The following CTNNA2 variants were observed in gnomAD, a reference collection of about 807,000 sequenced individuals.
The protein encoded by CTNNA2 is catenin alpha-2.
A neutral mutation model predicts 101.0 loss-of-function variants in CTNNA2; 42 were observed. The observed-to-expected ratio is 0.42, with a 90% CI of 0.32 to 0.54. CTNNA2 has a LOEUF of 0.54. CTNNA2 is among the 20% of genes least tolerant of loss of function. CTNNA2 has a pLI of 0.14. For missense variants in CTNNA2, 871 were observed against 1,223.1 expected (o/e 0.71, Z 4.29); for synonymous variants, 450 against 456.4 (o/e 0.99, Z 0.18).
At chr2:79,962,056 A>C (rs895684416) in intron 7 of CTNNA2, among the ~76,000 whole-genome samples, 1 of 152,250 alleles carries the variant, frequency 6.6e-6, no homozygotes, top group African/African-American at 2.4e-5. Flanking sequence ...TGTTACTGCC[A>C]TGACGAGGCA....
intron 4 of CTNNA2, among the ~76,000 whole-genome samples, chr2:79,494,990 C>G (rs1337602365): frequency 1.3e-5 from 2 of 152,052 alleles, no homozygotes; most frequent in South Asian, 4.1e-4. Context: ...GTAGTCCCAG[C>G]TACTTAGGAG....
At chr2:80,026,320 A>C (rs1694921663) in intron 7 of CTNNA2, among the ~76,000 whole-genome samples, 1 of 152,212 alleles carries the variant, frequency 6.6e-6, no homozygotes, top group Admixed American at 6.5e-5. Flanking sequence ...GAAATGAATA[A>C]CAAGCATTCA....
chr2:79,982,323 T>TAA (rs2103837971), intron 7 of CTNNA2, among the ~76,000 whole-genome samples: 1 of 138,466 alleles, frequency 7.2e-6, no homozygotes, highest in South Asian at 2.2e-4. Context: ...ATAACATATA[T>TAA]AACACACATA....
In CTNNA2 at chr2:79,717,705, A is replaced by G. The variant is rs150619256; in HGVS notation, c.103-26682A>G. Among the ~76,000 whole-genome samples the G allele has an allele frequency of 1.7e-3, 256 of 152,310 alleles. 1 individual carries two copies. Among genetic ancestry groups the G allele is most frequent in the African/African-American group, 6.0e-3 (250 of 41,566 alleles). ...TGTAAATGTGGTCAAAATATAACAG[A>G]AAGTGAGGGGCAGAAAAACAGTTGA... On this transcript the variant is annotated intron_variant, in intron 2 of 18. Transcript: ENST00000402739.
At position 79,667,969 on chromosome 2, in the gene CTNNA2, G is replaced by A. The variant is rs188096988; in HGVS notation, c.102+16311G>A. On this transcript the variant is annotated intron_variant, in intron 2 of 18. Coordinates refer to ENST00000402739, the MANE Select transcript of CTNNA2 (RefSeq NM_001282597.3). ...CTAGTAAAAACTTGAGGCCGGGCGC[G>A]GTGGCTCACGCCTGTAATCCCAGCA... 6.2e-4 allele frequency among the ~76,000 whole-genome samples: 93 copies of A among 151,160 alleles called. 1 individual carries two copies. Among genetic ancestry groups the A allele is most frequent in the Admixed American group, 5.0e-3 (76 of 15,274 alleles).
At chr2:79,653,883 G>A (rs747285592) in intron 2 of CTNNA2, among the ~76,000 whole-genome samples, 27 of 152,070 alleles carry the variant, frequency 1.8e-4, no homozygotes, top group African/African-American at 5.1e-4. Context: ...GTAGGAATCC[G>A]TCCAGCTGAG....
At chr2:79,930,302 AAGAAAG>A (rs1687328623) in intron 7 of CTNNA2, among the ~76,000 whole-genome samples, 2 of 31,472 alleles carry the variant, frequency 6.4e-5, no homozygotes, top group African/African-American at 3.1e-4. Context: ...AAGAGAAAGA[AAGAAAG>A]AAAGAAAGAA....
chr2:79,517,291 C>T (rs751460983), intron 1 of CTNNA2, among the ~76,000 whole-genome samples: 1 of 152,146 alleles, frequency 6.6e-6, no homozygotes, highest in Non-Finnish European at 1.5e-5. Flanking sequence ...ATTTTACCCA[C>T]AAGTTTGAAG....
At chr2:80,502,687 G>T (rs575488564) in intron 9 of CTNNA2, among the ~76,000 whole-genome samples, 1 of 152,162 alleles carries the variant, frequency 6.6e-6, no homozygotes, top group Non-Finnish European at 1.5e-5. Flanking sequence ...CAGGATCCAG[G>T]CTACCCTCTG....
chr2:79,571,037 A>T (rs1406381921), intron 1 of CTNNA2, among the ~76,000 whole-genome samples: 1 of 152,178 alleles, frequency 6.6e-6, no homozygotes, highest in Non-Finnish European at 1.5e-5. Flanking sequence ...TAACAACCCA[A>T]TTTGTTTTCT....
At chr2:79,762,176 G>C (rs1672831329) in intron 3 of CTNNA2, among the ~76,000 whole-genome samples, 1 of 152,072 alleles carries the variant, frequency 6.6e-6, no homozygotes, top group African/African-American at 2.4e-5. Context: ...ATATATTTTT[G>C]TCTTGTATTT....
chr2:79,212,918 A>G (rs1433377286), intron 2 of CTNNA2, among the ~76,000 whole-genome samples: 1 of 152,178 alleles, frequency 6.6e-6, no homozygotes, highest in Non-Finnish European at 1.5e-5. Flanking sequence ...CTGAGAAGTG[A>G]TTTCCTTGAG....
chr2:79,625,778 G>A (rs1679265718), intron 1 of CTNNA2, among the ~76,000 whole-genome samples: 1 of 152,170 alleles, frequency 6.6e-6, no homozygotes, highest in Non-Finnish European at 1.5e-5. Context: ...CTTTGCCTTT[G>A]GTCCCAAGGT....
At chr2:80,328,527 T>C (rs1573732639) in intron 7 of CTNNA2, among the ~76,000 whole-genome samples, 1 of 152,300 alleles carries the variant, frequency 6.6e-6, no homozygotes, top group Non-Finnish European at 1.5e-5. Flanking sequence ...CTGGAGTGGG[T>C]CAGCCCTGAT....
At chr2:79,375,740 T>G (rs1677963829) in intron 4 of CTNNA2, among the ~76,000 whole-genome samples, 1 of 152,180 alleles carries the variant, frequency 6.6e-6, no homozygotes, top group African/African-American at 2.4e-5. Flanking sequence ...AGCTTCTAAT[T>G]TTTTAAAATT....
chr2:79,577,951 G>C (rs1558744168), intron 1 of CTNNA2, among the ~76,000 whole-genome samples: 1 of 152,138 alleles, frequency 6.6e-6, no homozygotes. Context: ...TAACTGAAAA[G>C]TATTCAAACA....
At chr2:79,721,081 T>C (rs2104863021) in intron 2 of CTNNA2, among the ~76,000 whole-genome samples, 1 of 151,954 alleles carries the variant, frequency 6.6e-6, no homozygotes, top group Non-Finnish European at 1.5e-5. Context: ...AATCACATCA[T>C]GCTTCTTGTT....
At chr2:79,807,425 C>A (rs1016061179) in intron 3 of CTNNA2, among the ~76,000 whole-genome samples, 1 of 151,752 alleles carries the variant, frequency 6.6e-6, no homozygotes, top group Non-Finnish European at 1.5e-5. Context: ...TTCATTTTTT[C>A]ATATTAAAAA....
intron 2 of CTNNA2, among the ~76,000 whole-genome samples, chr2:79,742,312 G>C (rs996454031): frequency 4.6e-5 from 7 of 151,862 alleles, no homozygotes; most frequent in African/African-American, 1.7e-4. Flanking sequence ...AAAATTAATA[G>C]CTCCTCTCCA....
Sources: gnomAD v4.1 joint callset for allele counts (sites outside exome capture counted in the v4.1 genomes callset) on GRCh38, gnomAD v4.1.1 for gene constraint, MANE v1.5 for transcripts, NCBI Gene and HGNC (gene_info 2026-07-23, HGNC 2026-07-21) for gene names.